The following CPNE4 variants were observed in gnomAD, a reference collection of about 807,000 sequenced individuals.
CPNE4 encodes the protein copine 4, also known as copine-4.
In CPNE4, 25 loss-of-function variants were observed where a neutral mutation model predicts 67.9. That is an observed-to-expected ratio of 0.37 (90% CI 0.27 to 0.51). The LOEUF (loss-of-function observed/expected upper bound fraction) is 0.51. Among genes scored for constraint, CPNE4 ranks in the 20% least tolerant of loss-of-function variants. CPNE4 has a pLI of 0.93. For missense variants in CPNE4, 464 were observed against 690.8 expected (o/e 0.67, Z 3.68); for synonymous variants, 242 against 244.9 (o/e 0.99, Z 0.11).
chr3:131,995,118 A>G (rs1399899240), intron 1 of CPNE4, among the ~76,000 whole-genome samples: 1 of 152,000 alleles, frequency 6.6e-6, no homozygotes, highest in African/African-American at 2.4e-5. Flanking sequence ...GCCTCCCAAA[A>G]TGCTGGCATG....
chr3:131,931,776 G>A (rs1824543), intron 1 of CPNE4, among the ~76,000 whole-genome samples: 78,302 of 151,948 alleles, frequency 0.52, 22,212 homozygotes, highest in African/African-American at 0.76. Flanking sequence ...CAAAGGGGTC[G>A]CACAACTGTT....
At chr3:131,793,380 T>C (rs116255944) in intron 2 of CPNE4, among the ~76,000 whole-genome samples, 136 of 152,318 alleles carry the variant, frequency 8.9e-4, no homozygotes, top group African/African-American at 3.2e-3. Context: ...GCCAAACTTT[T>C]TCCCATACCC....
At chr3:131,656,051 T>C (rs962591821) in intron 7 of CPNE4, among the ~76,000 whole-genome samples, 1 of 134,046 alleles carries the variant, frequency 7.5e-6, no homozygotes, top group Non-Finnish European at 1.5e-5. Context: ...ACAATACTGT[T>C]TCTTTTTTTT....
chr3:131,988,081 T>A (rs906651773), intron 1 of CPNE4, among the ~76,000 whole-genome samples: 7 of 152,202 alleles, frequency 4.6e-5, no homozygotes, highest in African/African-American at 1.7e-4. Context: ...GACACAGACA[T>A]GAACAAGTCA....
intron 1 of CPNE4, among the ~76,000 whole-genome samples, chr3:132,021,808 AAGG>A (rs2074002788): frequency 6.6e-6 from 1 of 152,226 alleles, no homozygotes; most frequent in Non-Finnish European, 1.5e-5. Flanking sequence ...ATCACAGAAC[AAGG>A]AGCTTAGGAA....
At chr3:132,000,706 C>G (rs994971764) in intron 1 of CPNE4, among the ~76,000 whole-genome samples, 1 of 151,462 alleles carries the variant, frequency 6.6e-6, no homozygotes, top group African/African-American at 2.4e-5. Flanking sequence ...GCATTGCAGG[C>G]AGACAGAATA....
intron 2 of CPNE4, among the ~76,000 whole-genome samples, chr3:131,888,594 C>T (rs1428115330): frequency 2.6e-5 from 4 of 152,106 alleles, no homozygotes; most frequent in African/African-American, 9.7e-5. Flanking sequence ...TTTCTTGTTA[C>T]TTCTCTTCTA....
At chr3:131,711,069 T>C (rs114369628) in intron 3 of CPNE4, among the ~76,000 whole-genome samples, 1,964 of 152,294 alleles carry the variant, frequency 0.013, 22 homozygotes, top group Middle Eastern at 0.058. Flanking sequence ...TCGTAAAATA[T>C]ATTGTCCAAA....
At chr3:131,612,146 G>A (rs1229196162) in intron 7 of CPNE4, among the ~76,000 whole-genome samples, 2 of 152,168 alleles carry the variant, frequency 1.3e-5, no homozygotes, top group African/African-American at 4.8e-5. Context: ...GGCCAAGGCA[G>A]GCAGATCACT....
chr3:132,013,900 C>T (rs781486826), intron 1 of CPNE4, among the ~76,000 whole-genome samples: 1 of 152,098 alleles, frequency 6.6e-6, no homozygotes, highest in African/African-American at 2.4e-5. Flanking sequence ...AGCCTGTGGT[C>T]CTAACTTCTG....
chr3:131,690,328 G>C (rs902978437), intron 5 of CPNE4, among the ~76,000 whole-genome samples: 1 of 151,968 alleles, frequency 6.6e-6, no homozygotes. Context: ...ATGGTACTGG[G>C]ACAAAAACAG....
chr3:131,902,791 T>C (rs1462666431), intron 2 of CPNE4, among the ~76,000 whole-genome samples: 1 of 152,130 alleles, frequency 6.6e-6, no homozygotes, highest in Non-Finnish European at 1.5e-5. Flanking sequence ...GTTACTTTTT[T>C]ATAATGTAGG....
chr3:131,557,076 A>G (rs1225615349), intron 11 of CPNE4, among the ~76,000 whole-genome samples: 1 of 152,078 alleles, frequency 6.6e-6, no homozygotes, highest in Non-Finnish European at 1.5e-5. Flanking sequence ...GATTATATGT[A>G]GTATTAAATG....
intron 1 of CPNE4, among the ~76,000 whole-genome samples, chr3:131,930,471 A>C (rs1416850202): frequency 6.6e-6 from 1 of 152,160 alleles, no homozygotes; most frequent in African/African-American, 2.4e-5. Context: ...CTGGAAGCCA[A>C]AGGACTCATT....
chr3:131,663,903 T>G (rs1329383136), intron 7 of CPNE4, among the ~76,000 whole-genome samples: 3 of 152,160 alleles, frequency 2.0e-5, no homozygotes, highest in Non-Finnish European at 4.4e-5. Flanking sequence ...GCCATTTCCT[T>G]TACTGCACCA....
chr3:131,999,186 G>C (rs553791230), intron 1 of CPNE4, among the ~76,000 whole-genome samples: 48 of 140,476 alleles, frequency 3.4e-4, no homozygotes, highest in African/African-American at 1.2e-3. Context: ...GGAGAAAAAC[G>C]AAGGGCAGTG....
intron 2 of CPNE4, among the ~76,000 whole-genome samples, chr3:131,795,708 C>A (rs1358818748): frequency 2.0e-5 from 3 of 152,172 alleles, no homozygotes; most frequent in Admixed American, 2.0e-4. Context: ...GAAAACACCA[C>A]CCTCGGGTCA....
chr3:131,977,352 A>G (rs1708023892), intron 1 of CPNE4, among the ~76,000 whole-genome samples: 1 of 152,162 alleles, frequency 6.6e-6, no homozygotes, highest in Non-Finnish European at 1.5e-5. Context: ...TCACAGTAAT[A>G]AACAAGATAC....
chr3:131,782,333 A>G (rs1178031992), intron 2 of CPNE4, among the ~76,000 whole-genome samples: 1 of 152,132 alleles, frequency 6.6e-6, no homozygotes, highest in African/African-American at 2.4e-5. Flanking sequence ...CAAACATTTA[A>G]TGTTCACTAG....
Sources: gnomAD v4.1 joint callset for allele counts (sites outside exome capture counted in the v4.1 genomes callset) on GRCh38, gnomAD v4.1.1 for gene constraint, MANE v1.5 for transcripts, NCBI Gene and HGNC (gene_info 2026-07-23, HGNC 2026-07-21) for gene names.